The following GALNT10 variants were observed in gnomAD, a reference collection of about 807,000 sequenced individuals.
GALNT10 encodes the protein GalNAc transferase 10.
In GALNT10, 41 loss-of-function variants were observed where a neutral mutation model predicts 75.0. That is an observed-to-expected ratio of 0.55 (90% confidence interval 0.43 to 0.71). GALNT10 has a LOEUF of 0.71. GALNT10 is among the 30% of genes least tolerant of loss of function. The pLI is 0.00. For synonymous variants in GALNT10, 302 were observed against 313.0 expected (o/e 0.96, Z 0.37); for missense variants, 727 against 818.5 (o/e 0.89, Z 1.36).
At chr5:154,385,196 C>G (rs1283500253) in intron 6 of GALNT10, among the ~76,000 whole-genome samples, 1 of 152,186 alleles carries the variant, frequency 6.6e-6, no homozygotes, top group Non-Finnish European at 1.5e-5. Flanking sequence ...TGCATCCAGA[C>G]AAGGATGCAG....
At chr5:154,234,707 A>C (rs1032881881) in intron 1 of GALNT10, among the ~76,000 whole-genome samples, 1 of 152,252 alleles carries the variant, frequency 6.6e-6, no homozygotes, top group African/African-American at 2.4e-5. Context: ...AGGGCCCTGC[A>C]CTGAGAGAGG....
chr5:154,202,858 G>A (rs1479018844), intron 1 of GALNT10, among the ~76,000 whole-genome samples: 2 of 152,120 alleles, frequency 1.3e-5, no homozygotes, highest in Non-Finnish European at 2.9e-5. Flanking sequence ...TCCCAGCAGA[G>A]TCAGCCTGGG....
chr5:154,204,183 A>G (rs186433902), intron 1 of GALNT10, among the ~76,000 whole-genome samples: 216 of 152,240 alleles, frequency 1.4e-3, no homozygotes, highest in African/African-American at 4.9e-3. Flanking sequence ...GTCCTCTCCT[A>G]TGTAAGCTGT....
intron 4 of GALNT10, among the ~76,000 whole-genome samples, chr5:154,340,281 T>C (rs1185943063): frequency 6.6e-6 from 1 of 152,168 alleles, no homozygotes; most frequent in East Asian, 1.9e-4. Context: ...ACACAGCACC[T>C]ATATAGCACT....
chr5:154,400,117 GAC>G (rs1420522918), intron 7 of GALNT10, among the ~76,000 whole-genome samples: 1 of 152,176 alleles, frequency 6.6e-6, no homozygotes, highest in Non-Finnish European at 1.5e-5. Context: ...TAGCCTGTGT[GAC>G]AGAGGGAGAC....
At position 154,329,659 on chromosome 5, in the gene GALNT10, C is replaced by T; in HGVS notation, c.489C>T (p.Arg163=). 6.2e-7 allele frequency: 1 copy of T among 1,613,196 alleles called. No homozygotes were observed. The highest frequency in any genetic ancestry group is 8.5e-7 in the Non-Finnish European group (1 of 1,179,166). The part of the protein sequence containing the change: ...FHNEGWSSLL[R]TVHSVLNRSP... ...ACGAGGGCTGGTCCTCCCTCCTCCG[C>T]ACCGTCCACAGTGTGCTCAATCGCT... Residue 163 remains arginine (R), a synonymous_variant, in exon 4 of 12, where the codon CGC becomes CGT. Transcript: ENST00000297107.
intron 1 of GALNT10, among the ~76,000 whole-genome samples, chr5:154,208,357 C>T (rs1255539101): frequency 6.6e-6 from 1 of 152,198 alleles, no homozygotes; most frequent in Non-Finnish European, 1.5e-5. Flanking sequence ...TTCCTGGCCG[C>T]CACCTCTACC....
intron 1 of GALNT10, among the ~76,000 whole-genome samples, chr5:154,216,092 GA>G (rs1356669324): frequency 6.6e-6 from 1 of 152,122 alleles, no homozygotes; most frequent in Non-Finnish European, 1.5e-5. Flanking sequence ...TTCTGTTCAA[GA>G]TGTTATGGTG....
In GALNT10 at chr5:154,413,114, C is replaced by G. The variant is rs1011899226; in HGVS notation, c.1503+109C>G. The G allele has an allele frequency of 5.7e-6, 4 of 697,684 alleles. No homozygotes were observed. The African/African-American group carries it at 7.3e-5, about 13-fold the overall frequency. The allele number at this position is 697,684 out of a possible 1,614,324, so 43.2% of individuals were successfully genotyped here. Reference sequence around the variant, plus strand: ...AGAGGCATGGGTCAGTGATAAATGACAAGAGTCAGCCCCGGGGATGAGTTT... The same window carrying G: ...AGAGGCATGGGTCAGTGATAAATGAGAAGAGTCAGCCCCGGGGATGAGTTT... On this transcript the variant is annotated intron_variant, in intron 10 of 11. Coordinates refer to ENST00000297107, the MANE Select transcript of GALNT10 (RefSeq NM_198321.4).
intron 1 of GALNT10, among the ~76,000 whole-genome samples, chr5:154,242,214 A>C (rs990464710): frequency 1.3e-5 from 2 of 152,232 alleles, no homozygotes; most frequent in African/African-American, 4.8e-5. Context: ...TAATTCGATG[A>C]GTCTTTTGAT....
Position 154,412,682 on chromosome 5 carries a change from T to A in GALNT10, c.1387-207T>A, listed in dbSNP as rs1458180451. ...TACTCTACAATACTACTTACAGCAG[T>A]GCTTTAAGGATTACATTCTGTGGAC... On this transcript the variant is annotated intron_variant, in intron 9 of 11. Coordinates refer to ENST00000297107, the MANE Select transcript of GALNT10 (RefSeq NM_198321.4). The surrounding 1 kb of genome is among the most constrained non-coding windows in gnomAD (Gnocchi z 4.2). The A allele has an allele frequency of 1.8e-6, 1 of 545,426 alleles. No individual in the cohort carries two copies. The highest frequency in any genetic ancestry group is 1.9e-5 in the African/African-American group (1 of 52,524). The allele number at this position is 545,426 out of a possible 1,614,324, so 33.8% of individuals were successfully genotyped here.
intron 1 of GALNT10, among the ~76,000 whole-genome samples, chr5:154,292,941 G>A (rs974472842): frequency 6.6e-6 from 1 of 152,076 alleles, no homozygotes; most frequent in African/African-American, 2.4e-5. Flanking sequence ...AGAATGCTGA[G>A]AACTGTTGAA....
intron 6 of GALNT10, among the ~76,000 whole-genome samples, chr5:154,382,516 T>C (rs1379610064): frequency 6.6e-6 from 1 of 152,244 alleles, no homozygotes; most frequent in Non-Finnish European, 1.5e-5. Flanking sequence ...TTGGCCTGTG[T>C]TGGCAAAGCA....
chr5:154,298,758 A>G lies in GALNT10; in HGVS notation c.401+679A>G, dbSNP rs1424316105. On this transcript the variant is annotated intron_variant, in intron 3 of 11. Coordinates refer to ENST00000297107, the MANE Select transcript of GALNT10 (RefSeq NM_198321.4). The surrounding 1 kb of genome is among the most constrained non-coding windows in gnomAD (Gnocchi z 4.1). ...CTTAAGTTATCCTGCCTCCCTGTAC[A>G]TTTTCAGTAAGGGTCATTGTGGTGA... is the stretch of plus-strand genomic sequence containing the variant. Among the ~76,000 whole-genome samples, 1 of 152,104 alleles carries G rather than the reference A, an allele frequency of 6.6e-6. No homozygotes were observed. Among genetic ancestry groups the G allele is most frequent in the East Asian group, 1.9e-4 (1 of 5,188 alleles).
At chr5:154,326,702 C>T (rs1257638748) in intron 3 of GALNT10, among the ~76,000 whole-genome samples, 1 of 152,038 alleles carries the variant, frequency 6.6e-6, no homozygotes, top group Admixed American at 6.5e-5. Flanking sequence ...AATCCATGAA[C>T]ACAGAAAGCA....
chr5:154,381,272 C>A (rs953798809), intron 6 of GALNT10, among the ~76,000 whole-genome samples: 6 of 152,160 alleles, frequency 3.9e-5, no homozygotes, highest in African/African-American at 1.4e-4. Context: ...AAGGAACCTA[C>A]CAGTGAAGAA....
Position 154,416,719 on chromosome 5 carries a change from C to A in GALNT10, c.1654-95C>A. 1.1e-6 allele frequency: 1 copy of A among 892,514 alleles called. No individual in the cohort carries two copies. Among genetic ancestry groups the A allele is most frequent in the South Asian group, 1.5e-5 (1 of 67,720 alleles). 55.3% of individuals were successfully genotyped at this position (892,514 alleles called of 1,614,324 possible). ...GTGTATGAACAGCTAGTCAGTCAGT[C>A]ACTTCCTCACTTTCTCATTGCTGGT... On this transcript the variant is annotated intron_variant, in intron 11 of 11. Transcript: ENST00000297107. The surrounding 1 kb of genome is among the most constrained non-coding windows in gnomAD (Gnocchi z 4.5).
chr5:154,364,711 G>A (rs544014687), intron 4 of GALNT10, among the ~76,000 whole-genome samples: 4 of 152,082 alleles, frequency 2.6e-5, no homozygotes, highest in East Asian at 3.9e-4. Context: ...CACCTTAAAC[G>A]ATAGTCATGG....
At chr5:154,370,871 G>A (rs912428261) in intron 4 of GALNT10, among the ~76,000 whole-genome samples, 1 of 152,220 alleles carries the variant, frequency 6.6e-6, no homozygotes, top group Non-Finnish European at 1.5e-5. Context: ...GCCGTGGAGT[G>A]CAGTGCTCCA....
Sources: allele counts gnomAD v4.1 joint callset (sites outside exome capture counted in the v4.1 genomes callset), GRCh38; gene constraint gnomAD v4.1.1; non-coding constraint Gnocchi (gnomAD v3.1); transcripts MANE v1.5; gene names NCBI Gene and HGNC (gene_info 2026-07-23, HGNC 2026-07-21).